The following IGFN1 variants were observed in gnomAD, a reference collection of about 807,000 sequenced individuals.
IGFN1 encodes the protein immunoglobulin-like and fibronectin type III domain-containing protein 1.
Under a neutral mutation model 289.5 loss-of-function variants are expected in IGFN1, and 253 were observed. That is an observed-to-expected ratio of 0.87 (90% CI 0.79 to 0.97). The LOEUF (loss-of-function observed/expected upper bound fraction) is 0.97, where lower values mean the gene tolerates loss of function less well. Ranked by LOEUF, IGFN1 falls within the 50% of genes least tolerant of loss-of-function variation. The probability of loss-of-function intolerance (pLI) is 0.00; values close to 1 mark genes in which losing one functional copy is unlikely to be tolerated. For missense variants in IGFN1, 4,470 were observed against 4,686.1 expected (o/e 0.95, Z 1.35); for synonymous variants, 1,706 against 1,788.5 (o/e 0.95, Z 1.16).
At position 201,212,960 on chromosome 1, in the gene IGFN1, A is replaced by G. The variant is rs958025976; in HGVS notation, c.8067A>G (p.Pro2689=). Residue 2689 remains proline, a synonymous_variant, in exon 12 of 24, where the codon CCA becomes CCG. Coordinates refer to ENST00000335211, the MANE Select transcript of IGFN1 (RefSeq NM_001164586.2). ...GQEAAGGCRS[P]WSLDSKGSSP... is the part of the protein sequence containing the mutation. ...AGGCGGCTGGTGGATGCCGAAGCCC[A>G]TGGTCCCTGGATAGCAAAGGTTCAA... The G allele has an allele frequency of 2.6e-6, 4 of 1,551,374 alleles. No individual in the cohort carries two copies. The highest frequency in any genetic ancestry group is 2.4e-5 in the South Asian group (2 of 84,066).
Position 201,226,941 on chromosome 1 carries a change from T to C in IGFN1, c.10846T>C (p.Phe3616Leu), listed in dbSNP as rs895204384. Residue 3616 changes from phenylalanine to leucine, a missense_variant, in exon 23 of 24, where the codon TTC becomes CTC. By Grantham distance (22) the Phe-to-Leu change is conservative. Transcript: ENST00000335211. ...GCCCGACCTGAGCCAGAAGCCCCGG[T>C]TCCTGGTGGGCCTGCGGTCCCACCT... ...REPDLSQKPR[F>L]LVGLRSHLLP... 6.2e-7 allele frequency: 1 copy of C among 1,611,460 alleles called. No individual in the cohort carries two copies. The highest frequency in any genetic ancestry group is 2.2e-5 in the East Asian group (1 of 44,824).
In IGFN1 at chr1:201,214,165, G is replaced by A. The variant is rs763819603; in HGVS notation, c.8729-12G>A. The A allele has an allele frequency of 1.9e-6, 3 of 1,606,482 alleles. No individual in the cohort carries two copies. The highest frequency in any genetic ancestry group is 1.1e-5 in the South Asian group (1 of 90,232). ...GCGCTCGGCCCTGGGGATTCCCTCT[G>A]TGTCTCTCCAGGCCCCATGGGCCAC... On this transcript the variant is annotated splice_polypyrimidine_tract_variant and intron_variant, in intron 12 of 23. Transcript: ENST00000335211.
chr1:201,214,347 A>G (rs1653030529), intron 13 of IGFN1, 46 bp downstream of exon 13: 1 of 1,557,016 alleles, frequency 6.4e-7, no homozygotes, highest in Admixed American at 1.8e-5. Flanking sequence ...GGAGGGACAG[A>G]GGTAAAGCAG....
chr1:201,195,674 C>T (rs986116505), intron 3 of IGFN1, among the ~76,000 whole-genome samples, 165 bp from the exon 4 acceptor site: 4 of 152,184 alleles, frequency 2.6e-5, no homozygotes, highest in Non-Finnish European at 1.5e-5. Flanking sequence ...TTTCCACCTG[C>T]GTATTCTGAG....
rs116075335 is a variant in IGFN1 at position 201,197,440 on chromosome 1, G to A, written c.367+123G>A. The A allele has an allele frequency of 2.1e-3, 1,377 of 667,236 alleles. 11 individuals are homozygous for A. Among genetic ancestry groups the A allele is most frequent in the African/African-American group, 0.017 (985 of 56,714 alleles). 41.3% of individuals were successfully genotyped at this position (667,236 alleles called of 1,614,324 possible). A position where few individuals can be genotyped will look rare whatever the true frequency, so the allele number is the denominator to read the frequency against. ...AGGGAGGCCCATCCAGGCTGCTGCC[G>A]CTGCTGCAGCCCCACCTTGTGCTGG... On this transcript the variant is annotated intron_variant, in intron 5 of 23. Transcript: ENST00000335211.
At chr1:201,215,920 G>T (rs1188996086) in intron 15 of IGFN1, 82 bp downstream of exon 15, 2 of 1,345,544 alleles carry the variant, frequency 1.5e-6, no homozygotes, top group African/African-American at 2.9e-5. Flanking sequence ...GCAGGCCTGG[G>T]ATATGATCTC....
rs1429708649 is a variant in IGFN1, at chr1:201,208,350, C to T, written c.3457C>T (p.Pro1153Ser). The change falls in exon 12 of 24, where the codon CCA becomes TCA. Residue 1153 changes from proline to serine, a missense_variant. Pro to Ser is a moderately conservative substitution (Grantham distance 74). Coordinates refer to ENST00000335211, the MANE Select transcript of IGFN1 (RefSeq NM_001164586.2). ...CTCTGGGGGTCCAGGAGCCATGGGA[C>T]CAGGGTCTCTGAGGGCAGGAAGCAA... ...DGSGGPGAMGPGSLRAGSKVG... is the reference protein window; with the variant it reads ...DGSGGPGAMGSGSLRAGSKVG... 1 of 1,473,702 alleles carries T rather than the reference C, an allele frequency of 6.8e-7. No individual in the cohort carries two copies. The highest frequency in any genetic ancestry group is 1.4e-5 in the South Asian group (1 of 71,580). The allele number at this position is 1,473,702 out of a possible 1,614,324, so 91.3% of individuals were successfully genotyped here. A position where few individuals can be genotyped will look rare whatever the true frequency, so the allele number is the denominator to read the frequency against.
chr1:201,208,403 C>T lies in IGFN1; in HGVS notation c.3510C>T (p.Cys1170=). Residue 1170 remains cysteine, a synonymous_variant, in exon 12 of 24, where the codon TGC becomes TGT. Transcript: ENST00000335211. ...SKVGEGDGTR[C]PGAKASGAGA... is the part of the protein sequence containing the mutation. ...TGGGTGAGGGGGATGGGACAAGATGCCCTGGTGCTAAGGCCTCTGGAGCTG... is the reference window on the plus strand; with the variant it reads ...TGGGTGAGGGGGATGGGACAAGATGTCCTGGTGCTAAGGCCTCTGGAGCTG... The T allele has an allele frequency of 1.4e-6, 2 of 1,451,596 alleles. No individual in the cohort carries two copies. The highest frequency in any genetic ancestry group is 1.5e-5 in the South Asian group (1 of 67,814). 89.9% of individuals were successfully genotyped at this position (1,451,596 alleles called of 1,614,324 possible). A position where few individuals can be genotyped will look rare whatever the true frequency, so the allele number is the denominator to read the frequency against.
Position 201,206,112 on chromosome 1 carries a change from A to G in IGFN1, c.1219A>G (p.Ser407Gly). Residue 407 changes from serine to glycine, a missense_variant, in exon 12 of 24, where the codon AGT becomes GGT. Ser to Gly is a moderately conservative substitution (Grantham distance 56). This residue lies in a region of IGFN1 where 2,011 missense variants were observed against 1,953.4 expected (regional missense o/e 1.03). Transcript: ENST00000335211. ...AGKDKDLQSTSADHKLQRQGA... is the reference protein window; with the variant it reads ...AGKDKDLQSTGADHKLQRQGA... ...GAAGGATAAAGACCTTCAGTCCACA[A>G]GTGCTGACCACAAACTGCAGAGGCA... 4 of 1,550,798 alleles carry G rather than the reference A, an allele frequency of 2.6e-6. No homozygotes were observed. The highest frequency in any genetic ancestry group is 3.5e-6 in the Non-Finnish European group (4 of 1,146,890).
chr1:201,201,739 C>T lies in IGFN1; in HGVS notation c.654C>T (p.Ser218=), dbSNP rs1279371712. The change falls in exon 9 of 24, where the codon AGC becomes AGT. Residue 218 remains serine (S), a synonymous_variant. Transcript: ENST00000335211. ...TGTAGTACATCAACACCATCTCCAG[C>T]TTAAGACACATCAGGGTCACCAAGG... ...KMAQYINTIS[S]LRHIRVTKDG... 6.5e-7 allele frequency: 1 copy of T among 1,545,464 alleles called. No homozygotes were observed. The highest frequency in any genetic ancestry group is 2.0e-5 in the Admixed American group (1 of 50,976).
At chr1:201,194,774 G>A (rs1666820399) in intron 3 of IGFN1, among the ~76,000 whole-genome samples, 1 of 152,212 alleles carries the variant, frequency 6.6e-6, no homozygotes, top group Non-Finnish European at 1.5e-5. Flanking sequence ...GCTTATTGGG[G>A]AAAAAGTGGG....
Position 201,207,614 on chromosome 1 carries a change from T to A in IGFN1, c.2721T>A (p.Asp907Glu), listed in dbSNP as rs1667490441. 2 of 1,536,728 alleles carry A rather than the reference T, an allele frequency of 1.3e-6. No homozygotes were observed. The highest frequency in any genetic ancestry group is 2.0e-5 in the Admixed American group (1 of 50,978). ...GAQGSGGTLGDKKGLRGPGSI... is the reference protein window; with the variant it reads ...GAQGSGGTLGEKKGLRGPGSI... ...AGGGATCTGGGGGGACACTAGGAGA[T>A]AAGAAAGGATTAAGAGGTCCTGGGT... The change falls in exon 12 of 24, where the codon GAT (aspartate) becomes GAA (glutamate). Residue 907 changes from aspartate to glutamate, a missense_variant. This residue lies in a region of IGFN1 where 2,011 missense variants were observed against 1,953.4 expected (regional missense o/e 1.03). Coordinates refer to ENST00000335211, the MANE Select transcript of IGFN1 (RefSeq NM_001164586.2).
In IGFN1 at chr1:201,227,329, T is replaced by C; in HGVS notation, c.11113+121T>C. The C allele has an allele frequency of 5.8e-6, 4 of 691,150 alleles. No homozygotes were observed. The South Asian group carries it at 7.9e-5, about 14-fold the overall frequency. 42.8% of individuals were successfully genotyped at this position (691,150 alleles called of 1,614,324 possible). A position where few individuals can be genotyped will look rare whatever the true frequency, so the allele number is the denominator to read the frequency against. On this transcript the variant is annotated intron_variant, in intron 23 of 23. Transcript: ENST00000335211. ...CAGCCGGGAGTCAGGAGACCAGGAC[T>C]CTCTGCCTGACTCTATGAACTTTCA...
At chr1:201,205,988 C>T (rs1353578206) in intron 11 of IGFN1, 95 bp from the exon 12 acceptor site, 6 of 897,218 alleles carry the variant, frequency 6.7e-6, no homozygotes, top group African/African-American at 1.7e-5. Context: ...TGGGCTCAGG[C>T]AGGTGCTTTG....
Position 201,203,858 on chromosome 1 carries a change from G to A in IGFN1, c.868G>A (p.Val290Ile), listed in dbSNP as rs761950094. 1.3e-6 allele frequency: 2 copies of A among 1,551,762 alleles called. No individual in the cohort carries two copies. The highest frequency in any genetic ancestry group is 2.4e-5 in the South Asian group (2 of 84,058). ...GCCTGAGGACTCTGGCATTTACCAG[G>A]TCAAGGTGGAGGATGCTGTGGTCTT... ...LRPEDSGIYQVKVEDAVVFST... is the reference protein window; with the variant it reads ...LRPEDSGIYQIKVEDAVVFST... Residue 290 changes from valine (V) to isoleucine (I), a missense_variant, in exon 10 of 24, where the codon GTC (valine) becomes ATC (isoleucine). This residue lies in a region of IGFN1 where 2,011 missense variants were observed against 1,953.4 expected (regional missense o/e 1.03). Coordinates refer to ENST00000335211, the MANE Select transcript of IGFN1 (RefSeq NM_001164586.2).
At position 201,207,910 on chromosome 1, in the gene IGFN1, G is replaced by C. The variant is rs768179777; in HGVS notation, c.3017G>C (p.Gly1006Ala). Residue 1006 changes from glycine to alanine, a missense_variant, in exon 12 of 24, where the codon GGG becomes GCG. By Grantham distance (60) the Gly-to-Ala change is moderately conservative. Coordinates refer to ENST00000335211, the MANE Select transcript of IGFN1 (RefSeq NM_001164586.2). ...RAPAGVESEE[G>A]GGYRHGSGAP... ...CCTGCGGGAGTGGAGTCTGAGGAAG[G>C]GGGTGGGTACAGGCATGGCTCCGGA... is the stretch of plus-strand genomic sequence containing the variant. 5.2e-6 allele frequency: 8 copies of C among 1,536,774 alleles called. No individual in the cohort carries two copies. The South Asian group carries it at 5.9e-5, about 11-fold the overall frequency.
chr1:201,194,459 C>A (rs1042332763), intron 3 of IGFN1, among the ~76,000 whole-genome samples, 186 bp downstream of exon 3: 3 of 152,058 alleles, frequency 2.0e-5, no homozygotes, highest in Non-Finnish European at 4.4e-5. Flanking sequence ...TGACAAGAGG[C>A]CTGGGGAAAA....
Position 201,208,990 on chromosome 1 carries a change from G to A in IGFN1, c.4097G>A (p.Gly1366Asp), listed in dbSNP as rs775420995. ...SKADYSGGLK[G>D]SREIGSMDET... is the part of the protein sequence containing the mutation. ...GCAGATTATAGCGGTGGTTTAAAGG[G>A]TTCCAGGGAAATCGGGTCAATGGAT... The change falls in exon 12 of 24, where the codon GGT (glycine) becomes GAT (aspartate). Residue 1366 changes from glycine (G) to aspartate (D), a missense_variant. Transcript: ENST00000335211. 8.2e-5 allele frequency: 126 copies of A among 1,536,506 alleles called. No individual in the cohort carries two copies. Among genetic ancestry groups the A allele is most frequent in the South Asian group, 1.4e-4 (12 of 84,022 alleles).
rs942163519 is a variant in IGFN1 at position 201,205,101 on chromosome 1, G to T, written c.936G>T (p.Val312=). The change falls in exon 11 of 24, where the codon GTG becomes GTT. Residue 312 remains valine (V), a synonymous_variant. Transcript: ENST00000335211. ...LEASAIPPRV[V]VPLAETHCEE... Reference sequence around the variant, plus strand: ...CGGCAGCCATCCCCCCAAGAGTGGTGGTCCCACTGGCGGAGACCCACTGTG... The same window carrying T: ...CGGCAGCCATCCCCCCAAGAGTGGTTGTCCCACTGGCGGAGACCCACTGTG... The T allele has an allele frequency of 1.3e-6, 2 of 1,547,530 alleles. No homozygotes were observed. Among genetic ancestry groups the T allele is most frequent in the Non-Finnish European group, 1.7e-6 (2 of 1,144,594 alleles).
Sources: allele counts gnomAD v4.1 joint callset (sites outside exome capture counted in the v4.1 genomes callset), GRCh38; gene constraint gnomAD v4.1.1; regional missense constraint gnomAD v4.1.1; transcripts MANE v1.5; gene names NCBI Gene and HGNC (gene_info 2026-07-23, HGNC 2026-07-21).